ZNF487: variants seen among roughly 807,000 people sequenced by gnomAD.
The protein encoded by ZNF487 is KRAB domain only 1.
A neutral mutation model predicts 3.0 loss-of-function variants in ZNF487; 4 were observed. That is an observed-to-expected ratio of 1.35 (90% CI 0.66 to 3.08). The LOEUF (loss-of-function observed/expected upper bound fraction) is 3.08, where lower values mean the gene tolerates loss of function less well. Among genes scored for constraint, ZNF487 ranks in the 30% most tolerant of loss-of-function variants. ZNF487 has a pLI of 0.01. For synonymous variants in ZNF487, 55 were observed against 34.6 expected (o/e 1.59, Z -2.06); for missense variants, 146 against 98.7 (o/e 1.48, Z -2.03).
the ZNF487 span, among the ~76,000 whole-genome samples, chr10:43,493,709 A>AATATATATAT: frequency 1.8e-4 from 8 of 43,672 alleles, no homozygotes; most frequent in African/African-American, 6.1e-4. Context: ...AAAAAAAAAA[A>AATATATATAT]ATATATATAT....
chr10:43,450,120 T>G (rs1187842751), intron 1 of ZNF487, among the ~76,000 whole-genome samples: 1 of 152,048 alleles, frequency 6.6e-6, no homozygotes, highest in Non-Finnish European at 1.5e-5. Context: ...CTTGGCTCAC[T>G]GCAACCTCCG....
At chr10:43,492,134 A>G in the ZNF487 span, among the ~76,000 whole-genome samples, 1 of 151,754 alleles carries the variant, frequency 6.6e-6, no homozygotes, top group African/African-American at 2.4e-5. Context: ...TTCTGTGAAG[A>G]TGGGGTTTTG....
chr10:43,521,138 A>C, the ZNF487 span, among the ~76,000 whole-genome samples: 1 of 152,218 alleles, frequency 6.6e-6, no homozygotes, highest in African/African-American at 2.4e-5. Flanking sequence ...TACCACAAGC[A>C]CTGAATTAAT....
At chr10:43,510,384 A>G in the ZNF487 span, among the ~76,000 whole-genome samples, 7 of 152,080 alleles carry the variant, frequency 4.6e-5, no homozygotes, top group African/African-American at 1.4e-4. Flanking sequence ...GGGCTGTTGT[A>G]GTTTCCCATT....
At chr10:43,451,556 CATT>C (rs753124495) in intron 1 of ZNF487, among the ~76,000 whole-genome samples, 39 of 148,776 alleles carry the variant, frequency 2.6e-4, no homozygotes, top group Non-Finnish European at 4.9e-4. Flanking sequence ...AAGTTTGCAC[CATT>C]ATTATTATTA....
At chr10:43,446,410 G>A (rs1207875732) in intron 1 of ZNF487, among the ~76,000 whole-genome samples, 7 of 151,358 alleles carry the variant, frequency 4.6e-5, no homozygotes, top group African/African-American at 7.3e-5. Flanking sequence ...CGGGGCGGCC[G>A]GGCAGAGGCA....
Position 43,441,274 on chromosome 10 carries a change from C to CT in ZNF487, c.-94+4021dup, listed in dbSNP as rs541111240. On this transcript the variant is annotated intron_variant, in intron 1 of 3. Transcript: ENST00000437590. ...GAGCCACTGCACCAGACCGCTTTGC[C>CT]TTTTTTTTTGAGACGGAGTCTCACT... 2.6e-4 allele frequency among the ~76,000 whole-genome samples: 38 copies of CT among 148,234 alleles called. No individual in the cohort carries two copies. In the East Asian group the frequency reaches 4.4e-3, roughly 17 times the overall value.
At position 43,482,193 on chromosome 10, in the gene ZNF487, AG is replaced by A; in HGVS notation, c.*272del. ...AGTAGACATTTGGAAGTATTCTGCA[AG>A]AAGCCAAATTTCACTCAACATCAAG... On this transcript the variant is annotated 3_prime_UTR_variant, in exon 4 of 4. Coordinates refer to ENST00000437590, the MANE Select transcript of ZNF487 (RefSeq NM_001355444.3). 1 of 509,292 alleles carries A rather than the reference AG, an allele frequency of 2.0e-6. No individual in the cohort carries two copies. Among genetic ancestry groups the A allele is most frequent in the Non-Finnish European group, 3.5e-6 (1 of 282,352 alleles). 31.5% of individuals were successfully genotyped at this position (509,292 alleles called of 1,614,324 possible). A position where few individuals can be genotyped will look rare whatever the true frequency, so the allele number is the denominator to read the frequency against.
At chr10:43,492,698 C>T in the ZNF487 span, among the ~76,000 whole-genome samples, 13 of 152,164 alleles carry the variant, frequency 8.5e-5, no homozygotes, top group South Asian at 2.1e-4. Context: ...CGTGATCCGC[C>T]GGCCTCGGCC....
At chr10:43,504,778 C>G in the ZNF487 span, among the ~76,000 whole-genome samples, 1 of 150,334 alleles carries the variant, frequency 6.7e-6, no homozygotes, top group African/African-American at 2.4e-5. Context: ...ACGATCTTGG[C>G]TCCCTGCAAC....
At chr10:43,449,887 C>T (rs1324161180) in intron 1 of ZNF487, among the ~76,000 whole-genome samples, 6 of 152,038 alleles carry the variant, frequency 3.9e-5, no homozygotes. Context: ...CCCATGTTGG[C>T]CAGGCTGGTC....
rs759193346 is a variant in ZNF487, at chr10:43,482,654, G to A, written c.*732G>A. 3.3e-5 allele frequency: 16 copies of A among 492,148 alleles called. No homozygotes were observed. The highest frequency in any genetic ancestry group is 2.4e-4 in the South Asian group (16 of 66,828). 30.5% of individuals were successfully genotyped at this position (492,148 alleles called of 1,614,324 possible). ...TACATCAGAGAATACATACTGGCGA[G>A]AAACCCTATGAGTGTAAGGAATGTG... On this transcript the variant is annotated 3_prime_UTR_variant, in exon 4 of 4. Coordinates refer to ENST00000437590, the MANE Select transcript of ZNF487 (RefSeq NM_001355444.3).
intron 1 of ZNF487, among the ~76,000 whole-genome samples, chr10:43,455,833 G>A (rs1320378813): frequency 6.6e-6 from 1 of 152,250 alleles, no homozygotes; most frequent in East Asian, 1.9e-4. Flanking sequence ...TGCTGCTCTT[G>A]TGCGGACGCC....
At position 43,482,100 on chromosome 10, in the gene ZNF487, T is replaced by C. The variant is rs554086695; in HGVS notation, c.*178T>C. On this transcript the variant is annotated 3_prime_UTR_variant, in exon 4 of 4. Coordinates refer to ENST00000437590, the MANE Select transcript of ZNF487 (RefSeq NM_001355444.3). The stretch of plus-strand genomic sequence containing the variant: ...TGAAATACTATGAGTGTAATGCGAG[T>C]GAGAATAGTTTTGGCAAGAAATCAC... 9 of 571,042 alleles carry C rather than the reference T, an allele frequency of 1.6e-5. No homozygotes were observed. The highest frequency in any genetic ancestry group is 9.9e-5 in the Admixed American group (3 of 30,368). 35.4% of individuals were successfully genotyped at this position (571,042 alleles called of 1,614,324 possible).
At chr10:43,466,670 G>A (rs1840718956) in intron 1 of ZNF487, among the ~76,000 whole-genome samples, 1 of 151,958 alleles carries the variant, frequency 6.6e-6, no homozygotes, top group South Asian at 2.1e-4. Flanking sequence ...CATAGTGCTG[G>A]GATTACAGGC....
At chr10:43,500,749 T>C in the ZNF487 span, among the ~76,000 whole-genome samples, 1 of 151,982 alleles carries the variant, frequency 6.6e-6, no homozygotes, top group Non-Finnish European at 1.5e-5. Context: ...ACTCAAGCGA[T>C]TCTCTCACCT....
chr10:43,460,089 AC>A (rs1429621251), intron 1 of ZNF487, among the ~76,000 whole-genome samples: 2 of 152,088 alleles, frequency 1.3e-5, no homozygotes, highest in East Asian at 3.9e-4. Context: ...GGCATGAGCC[AC>A]CGTGCCCGGC....
At chr10:43,479,861 G>T (rs1841244776) in intron 3 of ZNF487, among the ~76,000 whole-genome samples, 1 of 151,896 alleles carries the variant, frequency 6.6e-6, no homozygotes, top group African/African-American at 2.4e-5. Flanking sequence ...TTGCCGTGTT[G>T]GCAAGGCTGG....
intron 1 of ZNF487, among the ~76,000 whole-genome samples, chr10:43,442,406 C>T (rs1589018672): frequency 6.6e-6 from 1 of 151,916 alleles, no homozygotes; most frequent in South Asian, 2.1e-4. Context: ...TAGTACGTCT[C>T]TTCATTTGCT....
Sources: gnomAD v4.1 joint callset for allele counts (sites outside exome capture counted in the v4.1 genomes callset) on GRCh38, gnomAD v4.1.1 for gene constraint, MANE v1.5 for transcripts, NCBI Gene and HGNC (gene_info 2026-07-23, HGNC 2026-07-21) for gene names.